The following NOL8 variants were observed in gnomAD, a reference collection of about 807,000 sequenced individuals.
NOL8 encodes the protein nucleolar protein 8, also known as nucleolar protein Nop132.
In NOL8, 93 loss-of-function variants were observed where a neutral mutation model predicts 116.1. The ratio of observed to expected loss-of-function variants is 0.80; its 90% confidence interval spans 0.68 to 0.95. NOL8 has a LOEUF of 0.95. Among genes scored for constraint, NOL8 ranks in the 40% least tolerant of loss-of-function variants. NOL8 has a pLI of 0.00. For missense variants in NOL8, 1,291 were observed against 1,382.8 expected, an observed-to-expected ratio of 0.93 and a Z score of 1.05; for synonymous variants, 419 against 469.0, an observed-to-expected ratio of 0.89 and a Z score of 1.38.
In NOL8 at chr9:92,315,600, T is replaced by A. The variant is rs201396031; in HGVS notation, c.1025A>T (p.Lys342Ile). 126 of 1,613,234 alleles carry A rather than the reference T, an allele frequency of 7.8e-5. No individual in the cohort carries two copies. Among genetic ancestry groups the A allele is most frequent in the Non-Finnish European group, 1.0e-4 (118 of 1,179,716 alleles). The change falls in exon 7 of 17, where the codon AAA (lysine) becomes ATA (isoleucine). Residue 342 changes from lysine (K) to isoleucine (I), a missense_variant. Lys to Ile is a moderately radical substitution (Grantham distance 102, BLOSUM62 -3). Transcript: ENST00000442668. Reference sequence around the variant, plus strand: ...AGAATGCAGTTTGTGAACGCCTGATTTGAAATCATCCCTTACAACTTCAAA... The same window carrying A: ...AGAATGCAGTTTGTGAACGCCTGATATGAAATCATCCCTTACAACTTCAAA... ...DPFEVVRDDFKSGVHKLHSLI... is the reference protein window; with the variant it reads ...DPFEVVRDDFISGVHKLHSLI...
chr9:92,306,857 G>C (rs959338445), intron 11 of NOL8, 29 bp downstream of exon 11: 11 of 1,597,198 alleles, frequency 6.9e-6, no homozygotes, highest in Non-Finnish European at 9.4e-6. Flanking sequence ...AGGATGATAT[G>C]GTAGAATGGG....
chr9:92,297,992 A>G (rs1431822244), intron 16 of NOL8, 106 bp from the exon 17 acceptor site: 1 of 969,268 alleles, frequency 1.0e-6, no homozygotes, highest in African/African-American at 1.7e-5. Context: ...GTGGAAACCT[A>G]TTTTGAAAGT....
intron 7 of NOL8, among the ~76,000 whole-genome samples, chr9:92,312,844 A>G (rs889709755): frequency 1.8e-3 from 236 of 132,324 alleles, no homozygotes; most frequent in Middle Eastern, 7.5e-3. Flanking sequence ...AAAAAAAAAA[A>G]AAAAGAAAAG....
intron 5 of NOL8, 63 bp from the exon 6 acceptor site, chr9:92,318,749 A>G (rs1839655404): frequency 9.3e-7 from 1 of 1,072,788 alleles, no homozygotes; most frequent in Non-Finnish European, 1.3e-6. Context: ...TTTAATAACA[A>G]TATTAGGTAA....
intron 14 of NOL8, among the ~76,000 whole-genome samples, chr9:92,299,566 C>G (rs954503978): frequency 1.1e-4 from 17 of 152,078 alleles, no homozygotes; most frequent in African/African-American, 4.1e-4. Flanking sequence ...GCCTGGCCAA[C>G]ATGGTGAAAC....
chr9:92,298,804 C>A, intron 15 of NOL8, 80 bp downstream of exon 15: 3 of 812,502 alleles, frequency 3.7e-6, no homozygotes, highest in South Asian at 4.2e-5. Flanking sequence ...TACCAACGGT[C>A]AAAATTCCTG....
chr9:92,316,160 A>T (rs1839390365), intron 6 of NOL8, 22 bp from the exon 7 acceptor site: 1 of 1,589,290 alleles, frequency 6.3e-7, no homozygotes, highest in East Asian at 2.2e-5. Flanking sequence ...CAAGAAACAA[A>T]ACTAAAGCAC....
intron 5 of NOL8, 40 bp from the exon 6 acceptor site, chr9:92,318,726 C>T (rs1363490477): frequency 2.3e-6 from 3 of 1,291,742 alleles, no homozygotes; most frequent in South Asian, 1.4e-5. Flanking sequence ...ATATGTGACA[C>T]AAATGGAAAA....
Position 92,305,833 on chromosome 9 carries a change from A to G in NOL8, c.2826-3T>C, listed in dbSNP as rs1286917972. 1 of 1,607,220 alleles carries G rather than the reference A, an allele frequency of 6.2e-7. No individual in the cohort carries two copies. The highest frequency in any genetic ancestry group is 2.2e-5 in the East Asian group (1 of 44,822). On this transcript the variant is annotated splice_polypyrimidine_tract_variant and splice_region_variant and intron_variant, in intron 11 of 16. Coordinates refer to ENST00000442668, the MANE Select transcript of NOL8 (RefSeq NM_017948.6). ...TTGGATCATAATGTATGATGTCCCT[A>G]TGTAAAAAAAGGAAGGGAGGTTGGA...
At chr9:92,321,889 C>T in intron 3 of NOL8, 143 bp from the exon 4 acceptor site, 1 of 552,256 alleles carries the variant, frequency 1.8e-6, no homozygotes, top group Non-Finnish European at 3.1e-6. Flanking sequence ...AGAAATGAGA[C>T]CTGGAGAGAG....
chr9:92,324,313 T>A, intron 1 of NOL8, 104 bp from the exon 2 acceptor site: 1 of 924,068 alleles, frequency 1.1e-6, no homozygotes, highest in Non-Finnish European at 1.6e-6. Flanking sequence ...GATCTGTATT[T>A]CACTTCCTAT....
chr9:92,318,548 G>T, intron 6 of NOL8, 70 bp downstream of exon 6: 1 of 1,109,356 alleles, frequency 9.0e-7, no homozygotes. Flanking sequence ...AAGAGACAGT[G>T]AAATGCTAAA....
At chr9:92,319,037 G>C in intron 5 of NOL8, 184 bp downstream of exon 5, 1 of 577,656 alleles carries the variant, frequency 1.7e-6, no homozygotes, top group Non-Finnish European at 2.8e-6. Context: ...GTAAAATGAT[G>C]GAGAACTATG....
Position 92,314,867 on chromosome 9 carries a change from T to C in NOL8, c.1758A>G (p.Lys586=). ...AGGCAACACTGTCTTTCAAGGATTT[T>C]TTCATTGACTCCTTTTCATATAGAC... ...VGCLYEKESM[K]KSLKDSVASN... is the part of the protein sequence containing the mutation. The change falls in exon 7 of 17, where the codon AAA becomes AAG. Residue 586 remains lysine (K), a synonymous_variant. Transcript: ENST00000442668. 6.2e-7 allele frequency: 1 copy of C among 1,613,524 alleles called. No homozygotes were observed. Among genetic ancestry groups the C allele is most frequent in the Non-Finnish European group, 8.5e-7 (1 of 1,179,760 alleles).
At chr9:92,304,964 C>T (rs933633642) in intron 12 of NOL8, among the ~76,000 whole-genome samples, 1 of 151,996 alleles carries the variant, frequency 6.6e-6, no homozygotes, top group Non-Finnish European at 1.5e-5. Context: ...CTACTGGTTG[C>T]TCCATATATT....
At position 92,297,547 on chromosome 9, in the gene NOL8, ATTAG is replaced by A; in HGVS notation, c.*285_*288del. ...ATAAACCTTGCATGAGAAGATGTCC[ATTAG>A]TTACTCAGGATAGAGGGCAAAGAGA... On this transcript the variant is annotated 3_prime_UTR_variant, in exon 17 of 17. Transcript: ENST00000442668. 1 of 293,468 alleles carries A rather than the reference ATTAG, an allele frequency of 3.4e-6. No individual in the cohort carries two copies. Among genetic ancestry groups the A allele is most frequent in the Admixed American group, 4.9e-5 (1 of 20,300 alleles). The allele number at this position is 293,468 out of a possible 1,614,324, so 18.2% of individuals were successfully genotyped here.
intron 10 of NOL8, among the ~76,000 whole-genome samples, chr9:92,307,281 C>T (rs1250564993): frequency 6.6e-6 from 1 of 152,112 alleles, no homozygotes; most frequent in Non-Finnish European, 1.5e-5. Context: ...CTTTCAGTAG[C>T]AAGTCTAAAA....
intron 7 of NOL8, among the ~76,000 whole-genome samples, chr9:92,313,750 A>C (rs747295009): frequency 1.2e-4 from 19 of 152,128 alleles, no homozygotes; most frequent in Non-Finnish European, 2.2e-4. Context: ...CTCAGCTCAG[A>C]CTACAGAAGC....
intron 13 of NOL8, chr9:92,300,688 C>A: frequency 9.2e-7 from 1 of 1,083,846 alleles, no homozygotes. Context: ...GTCTTATTTG[C>A]AATACTTTTT....
Sources: gnomAD v4.1 joint callset for allele counts (sites outside exome capture counted in the v4.1 genomes callset) on GRCh38, gnomAD v4.1.1 for gene constraint, MANE v1.5 for transcripts, NCBI Gene and HGNC (gene_info 2026-07-23, HGNC 2026-07-21) for gene names.